The following RACGAP1 variants were observed in gnomAD, a reference collection of about 807,000 sequenced individuals.
RACGAP1 encodes Rac GTPase activating protein 1, also known as rac GTPase-activating protein 1.
RACGAP1 carries 30 observed loss-of-function variants against 78.1 expected under a neutral mutation model. The ratio of observed to expected loss-of-function variants is 0.38; its 90% confidence interval spans 0.29 to 0.52. The LOEUF is 0.52. Ranked by LOEUF, RACGAP1 falls within the 20% of genes least tolerant of loss-of-function variation. RACGAP1 has a pLI of 0.82. For synonymous variants in RACGAP1, 231 were observed against 264.8 expected, an observed-to-expected ratio of 0.87 and a Z score of 1.24; for missense variants, 587 against 777.1, an observed-to-expected ratio of 0.76 and a Z score of 2.91.
At position 50,031,809 on chromosome 12, in the gene RACGAP1, GT is replaced by G; in HGVS notation, c.-137del. The G allele has an allele frequency of 4.2e-6, 4 of 961,516 alleles. No individual in the cohort carries two copies. The South Asian group carries it at 1.9e-4, about 46-fold the overall frequency. The allele number at this position is 961,516 out of a possible 1,614,324, so 59.6% of individuals were successfully genotyped here. ...ACTCCTGATTTGTTTAGGCTTCCTGGTTCTTCCAGTCACTGTTACACGGCCT... is the reference window on the plus strand; with the variant it reads ...ACTCCTGATTTGTTTAGGCTTCCTGGTCTTCCAGTCACTGTTACACGGCCT... On this transcript the variant is annotated 5_prime_UTR_variant, in exon 2 of 4. Transcript: ENST00000548247.
chr12:50,025,413 C>G lies in RACGAP1; in HGVS notation c.-20G>C. 1 of 985,762 alleles carries G rather than the reference C, an allele frequency of 1.0e-6. No individual in the cohort carries two copies. Among genetic ancestry groups the G allele is most frequent in the Non-Finnish European group, 1.2e-6 (1 of 830,186 alleles). The allele number at this position is 985,762 out of a possible 1,614,324, so 61.1% of individuals were successfully genotyped here. A position where few individuals can be genotyped will look rare whatever the true frequency, so the allele number is the denominator to read the frequency against. On this transcript the variant is annotated 5_prime_UTR_variant, in exon 1 of 17. Coordinates refer to ENST00000312377, the MANE Select transcript of RACGAP1 (RefSeq NM_001319999.2). ...CACTACTCACTTCAGTCAGCCTGGC[C>G]CCACCTGGGCCACCCTTCACTTCGC...
chr12:49,991,489 T>A (rs1195991402), intron 15 of RACGAP1, among the ~76,000 whole-genome samples: 113 of 36,258 alleles, frequency 3.1e-3, no homozygotes, highest in Admixed American at 5.0e-3. Context: ...ATTTTTTTTT[T>A]TTTTTTTTTT....
intron 2 of RACGAP1, chr12:50,031,595 G>A (rs144995342): frequency 1.3e-6 from 1 of 745,232 alleles, no homozygotes; most frequent in African/African-American, 1.9e-5. Context: ...CACGCACCTG[G>A]CTACCATTTC....
chr12:49,992,348 T>C lies in RACGAP1; in HGVS notation c.1475A>G (p.Asp492Gly). The C allele has an allele frequency of 6.2e-7, 1 of 1,614,166 alleles. No homozygotes were observed. The highest frequency in any genetic ancestry group is 1.7e-5 in the Admixed American group (1 of 60,020). ...AAAGACTTTAGCCAGATTGGCAACA[T>C]CCATTTTAGTATGTGGACTCTGAGC... ...RVAQSPHTKM[D>G]VANLAKVFGP... Residue 492 changes from aspartate to glycine, a missense_variant, in exon 14 of 17, where the codon GAT becomes GGT. Physicochemically the swap from Asp to Gly is moderately conservative, Grantham distance 94. Coordinates refer to ENST00000312377, the MANE Select transcript of RACGAP1 (RefSeq NM_001319999.2).
rs909968009 is a variant in RACGAP1, at chr12:49,994,616, A to G, written c.1045-107T>C. On this transcript the variant is annotated intron_variant, in intron 10 of 16. Coordinates refer to ENST00000312377, the MANE Select transcript of RACGAP1 (RefSeq NM_001319999.2). ...AATCTTATTCTCAAACTGGGACATCATGTCTACTTTTACATTCCTATTCCC... is the reference window on the plus strand; with the variant it reads ...AATCTTATTCTCAAACTGGGACATCGTGTCTACTTTTACATTCCTATTCCC... The G allele has an allele frequency of 1.7e-5, 25 of 1,459,232 alleles. No homozygotes were observed. In the East Asian group the frequency reaches 5.2e-4, roughly 30 times the overall value. 90.4% of individuals were successfully genotyped at this position (1,459,232 alleles called of 1,614,324 possible).
At chr12:50,019,152 G>A (rs530790651) in intron 1 of RACGAP1, among the ~76,000 whole-genome samples, 4 of 152,042 alleles carry the variant, frequency 2.6e-5, no homozygotes, top group Admixed American at 1.3e-4. Context: ...TAAACCTTGT[G>A]TACTCTTCTC....
chr12:49,992,306 G>A lies in RACGAP1; in HGVS notation c.1517C>T (p.Ala506Val), dbSNP rs748740604. The change falls in exon 14 of 17, where the codon GCC (alanine) becomes GTC (valine). Residue 506 changes from alanine to valine, a missense_variant. Transcript: ENST00000312377. ...LAKVFGPTIVAHAVPNPDPVT... is the reference protein window; with the variant it reads ...LAKVFGPTIVVHAVPNPDPVT... ...TGGGTCTGGATTGGGCACAGCATGGGCCACTATTGTAGGGCCAAAGACTTT... is the reference window on the plus strand; with the variant it reads ...TGGGTCTGGATTGGGCACAGCATGGACCACTATTGTAGGGCCAAAGACTTT... The A allele has an allele frequency of 1.9e-6, 3 of 1,614,142 alleles. No individual in the cohort carries two copies. Among genetic ancestry groups the A allele is most frequent in the Non-Finnish European group, 8.5e-7 (1 of 1,180,012 alleles).
At chr12:50,008,169 G>GAAAAA (rs71441313) in intron 2 of RACGAP1, among the ~76,000 whole-genome samples, 3 of 60,680 alleles carry the variant, frequency 4.9e-5, no homozygotes, top group African/African-American at 2.3e-4. Context: ...TGAGAAATGT[G>GAAAAA]AAAAAAAAAA....
intron 6 of RACGAP1, 90 bp from the exon 7 acceptor site, chr12:50,001,342 G>T (rs1278991035): frequency 1.3e-5 from 13 of 1,016,982 alleles, no homozygotes; most frequent in Non-Finnish European, 1.8e-5. Flanking sequence ...CTTGGATACA[G>T]GTCCTGGGGA....
intron 2 of RACGAP1, among the ~76,000 whole-genome samples, chr12:50,030,777 C>CTT: frequency 6.7e-6 from 1 of 148,716 alleles, no homozygotes. Context: ...AATTTTATGT[C>CTT]TTTTGTGTGT....
At chr12:50,015,727 A>G (rs1432266199) in intron 2 of RACGAP1, among the ~76,000 whole-genome samples, 7 of 151,634 alleles carry the variant, frequency 4.6e-5, no homozygotes, top group South Asian at 2.1e-4. Flanking sequence ...GCGTGAACCC[A>G]GGAGGCGGAG....
At chr12:50,006,396 TG>T (rs769248205) in intron 3 of RACGAP1, 37 bp downstream of exon 3, 7 of 1,605,986 alleles carry the variant, frequency 4.4e-6, no homozygotes. Context: ...TTCCCCCTCC[TG>T]CATCATCACT....
chr12:49,994,236 C>G lies in RACGAP1; in HGVS notation c.1234G>C (p.Val412Leu). The change falls in exon 12 of 17, where the codon GTG (valine) becomes CTG (leucine). Residue 412 changes from valine to leucine, a missense_variant. Physicochemically the swap from Val to Leu is conservative, Grantham distance 32 (BLOSUM62 1). Transcript: ENST00000312377. Reference protein sequence around the residue: ...RVKTVPLLSKVDDIHAICSLL... With the variant: ...RVKTVPLLSKLDDIHAICSLL... The stretch of plus-strand genomic sequence containing the variant: ...CTACAGATAGCATGGATATCATCCA[C>G]TTTGCTGAGGAGGGGTACAGTTTTC... The G allele has an allele frequency of 6.2e-7, 1 of 1,614,152 alleles. No homozygotes were observed. The highest frequency in any genetic ancestry group is 1.7e-4 in the Middle Eastern group (1 of 6,056).
At position 50,016,290 on chromosome 12, in the gene RACGAP1, A is replaced by G. The variant is rs540763235; in HGVS notation, c.85+341T>C. 3.4e-4 allele frequency among the ~76,000 whole-genome samples: 51 copies of G among 152,212 alleles called. 2 individuals are homozygous for G. The East Asian group carries it at 9.9e-3, about 29-fold the overall frequency. On this transcript the variant is annotated intron_variant, in intron 2 of 16. Coordinates refer to ENST00000312377, the MANE Select transcript of RACGAP1 (RefSeq NM_001319999.2). ...CCCTGCTACTCGAGAGGCTGAGACAAGGAATCGCTTGAACCCGGGGAGCAG... is the reference window on the plus strand; with the variant it reads ...CCCTGCTACTCGAGAGGCTGAGACAGGGAATCGCTTGAACCCGGGGAGCAG...
At chr12:50,009,941 T>C (rs1949209375) in intron 2 of RACGAP1, among the ~76,000 whole-genome samples, 1 of 152,256 alleles carries the variant, frequency 6.6e-6, no homozygotes, top group African/African-American at 2.4e-5. Flanking sequence ...GCATATATTT[T>C]GATACTTGTA....
Position 50,025,438 on chromosome 12 carries a change from C to T in RACGAP1, c.-45G>A, listed in dbSNP as rs528162589. The T allele has an allele frequency of 3.0e-6, 3 of 985,694 alleles. No homozygotes were observed. Among genetic ancestry groups the T allele is most frequent in the East Asian group, 2.3e-4 (2 of 8,820 alleles). 61.1% of individuals were successfully genotyped at this position (985,694 alleles called of 1,614,324 possible). On this transcript the variant is annotated 5_prime_UTR_variant, in exon 1 of 17. Transcript: ENST00000312377. ...CCCACCTGGGCCACCCTTCACTTCG[C>T]TCCGCGCCTCACCCAACGGCAGAGC...
upstream of RACGAP1, among the ~76,000 whole-genome samples, chr12:50,026,160 G>T (rs549118260): frequency 2.6e-5 from 4 of 152,328 alleles, no homozygotes; most frequent in African/African-American, 9.6e-5. Flanking sequence ...TGGACCCACA[G>T]TGAGAAATAC....
At chr12:50,002,609 T>C (rs11169246) in intron 5 of RACGAP1, 10,707 of 245,268 alleles carry the variant, frequency 0.044, 1,141 homozygotes, top group African/African-American at 0.22. Context: ...TGATTATTTT[T>C]GTAATTAGTT....
intron 1 of RACGAP1, among the ~76,000 whole-genome samples, chr12:50,017,344 A>G (rs1814436518): frequency 6.6e-6 from 1 of 152,238 alleles, no homozygotes; most frequent in Non-Finnish European, 1.5e-5. Flanking sequence ...TATACTAAGT[A>G]GAGGCAAAGG....
Sources: allele counts gnomAD v4.1 joint callset (sites outside exome capture counted in the v4.1 genomes callset), GRCh38; gene constraint gnomAD v4.1.1; transcripts MANE v1.5; gene names NCBI Gene and HGNC (gene_info 2026-07-23, HGNC 2026-07-21).